Variants in MLLT10 observed in about 807,000 individuals in gnomAD.
MLLT10 encodes protein AF-10.
In MLLT10, 30 loss-of-function variants were observed where a neutral mutation model predicts 129.1. The ratio of observed to expected loss-of-function variants is 0.23; its 90% confidence interval spans 0.17 to 0.32. The LOEUF is 0.32. Among genes scored for constraint, MLLT10 ranks in the 10% least tolerant of loss-of-function variants. MLLT10 has a pLI of 1.00. For missense variants in MLLT10, 1,119 were observed against 1,268.3 expected, an observed-to-expected ratio of 0.88 and a Z score of 1.79; for synonymous variants, 490 against 446.4, an observed-to-expected ratio of 1.10 and a Z score of -1.23.
intron 5 of MLLT10, among the ~76,000 whole-genome samples, chr10:21,608,399 A>ACTCCTGGGCTCAAGCAGTC (rs1273692627): frequency 1.4e-5 from 2 of 147,508 alleles, no homozygotes; most frequent in African/African-American, 2.5e-5. Context: ...CTGGTGTTGA[A>ACTCCTGGGCTCAAGCAGTC]CTCCTGGGCT....
At chr10:21,732,080 G>A (rs1406310976) in intron 17 of MLLT10, among the ~76,000 whole-genome samples, 1 of 152,146 alleles carries the variant, frequency 6.6e-6, no homozygotes, top group Non-Finnish European at 1.5e-5. Context: ...TTGGAGGGGA[G>A]GGATAAAAGT....
intron 3 of MLLT10, among the ~76,000 whole-genome samples, chr10:21,554,916 G>A (rs2130968494): frequency 6.6e-6 from 1 of 151,870 alleles, no homozygotes; most frequent in East Asian, 1.9e-4. Flanking sequence ...CTACCACCCG[G>A]GTTCAAGCAA....
chr10:21,701,105 A>G (rs978243844), intron 13 of MLLT10, among the ~76,000 whole-genome samples: 1 of 151,930 alleles, frequency 6.6e-6, no homozygotes, highest in African/African-American at 2.4e-5. Context: ...AGATTTTCCA[A>G]TTTGTTAGCA....
rs75432462 is a variant in MLLT10 at position 21,586,289 on chromosome 10, T to A, written c.241-5T>A. Reference sequence around the variant, plus strand: ...CATTACCTGTTTCTTTTTTTTTTTTTATAGAGATGTGAACTTTGTCCCCAT... The same window carrying A: ...CATTACCTGTTTCTTTTTTTTTTTTAATAGAGATGTGAACTTTGTCCCCAT... On this transcript the variant is annotated splice_polypyrimidine_tract_variant and splice_region_variant and intron_variant, in intron 3 of 22. Transcript: ENST00000307729. The A allele has an allele frequency of 1.9e-5, 30 of 1,547,880 alleles. No individual in the cohort carries two copies. The highest frequency in any genetic ancestry group is 9.3e-5 in the East Asian group (4 of 43,178).
At chr10:21,638,982 GA>G in intron 8 of MLLT10, among the ~76,000 whole-genome samples, 1 of 152,254 alleles carries the variant, frequency 6.6e-6, no homozygotes, top group Middle Eastern at 3.4e-3. Flanking sequence ...GCAATAAAAT[GA>G]AGACCCATTA....
intron 14 of MLLT10, among the ~76,000 whole-genome samples, 165 bp from the exon 15 acceptor site, chr10:21,726,079 T>C (rs1015299912): frequency 1.3e-5 from 2 of 152,144 alleles, no homozygotes; most frequent in African/African-American, 2.4e-5. Flanking sequence ...AAAATTGACA[T>C]GTTGAATGGT....
intron 3 of MLLT10, among the ~76,000 whole-genome samples, chr10:21,571,528 A>G (rs1388644542): frequency 2.0e-5 from 3 of 152,214 alleles, no homozygotes; most frequent in Admixed American, 1.3e-4. Flanking sequence ...TCTTCCAGGG[A>G]TGACTGTGTT....
At chr10:21,620,393 C>T (rs1271060471) in intron 8 of MLLT10, among the ~76,000 whole-genome samples, 1 of 152,146 alleles carries the variant, frequency 6.6e-6, no homozygotes, top group Non-Finnish European at 1.5e-5. Flanking sequence ...TTAGACTGTA[C>T]ACTGGTATGA....
chr10:21,547,713 A>G (rs2036330707), intron 3 of MLLT10, among the ~76,000 whole-genome samples: 1 of 151,162 alleles, frequency 6.6e-6, no homozygotes, highest in Admixed American at 6.6e-5. Flanking sequence ...TAATTTTTGT[A>G]TTTTTAATAG....
Position 21,717,722 on chromosome 10 carries a change from C to T in MLLT10, c.1878+3772C>T, listed in dbSNP as rs867960416. Among the ~76,000 whole-genome samples the T allele has an allele frequency of 4.1e-3, 256 of 61,836 alleles. 22 individuals are homozygous for T. The highest frequency in any genetic ancestry group is 0.014 in the Middle Eastern group (1 of 72). The allele number at this position is 61,836 out of a possible 152,430, so 40.6% of individuals were successfully genotyped here. Reference sequence around the variant, plus strand: ...CCTCTTCCTCCTCCTCCTCTTCCTCCTCCTCCTCCTCCTCTTCCTCCTCCT... The same window carrying T: ...CCTCTTCCTCCTCCTCCTCTTCCTCTTCCTCCTCCTCCTCTTCCTCCTCCT... On this transcript the variant is annotated intron_variant, in intron 14 of 22. Coordinates refer to ENST00000307729, the MANE Select transcript of MLLT10 (RefSeq NM_001195626.3).
intron 8 of MLLT10, among the ~76,000 whole-genome samples, chr10:21,641,183 T>C (rs2131294627): frequency 6.6e-6 from 1 of 152,320 alleles, no homozygotes; most frequent in South Asian, 2.1e-4. Context: ...AGGCTGTCTC[T>C]ACCTCATTTT....
chr10:21,674,071 T>C, intron 11 of MLLT10, 152 bp downstream of exon 11: 1 of 623,334 alleles, frequency 1.6e-6, no homozygotes, highest in Non-Finnish European at 2.5e-6. Flanking sequence ...AATTTTCTAA[T>C]GGAAAATACA....
chr10:21,565,529 G>A (rs1425921368), intron 3 of MLLT10, among the ~76,000 whole-genome samples: 2 of 151,478 alleles, frequency 1.3e-5, no homozygotes, highest in African/African-American at 4.8e-5. Flanking sequence ...AGCTGGTCTC[G>A]AGCTGTTGAC....
At chr10:21,536,818 C>T (rs1304811195) in intron 2 of MLLT10, among the ~76,000 whole-genome samples, 2 of 151,596 alleles carry the variant, frequency 1.3e-5, no homozygotes, top group Non-Finnish European at 2.9e-5. Context: ...GAGTTTTGCT[C>T]TTGTTGCTCA....
At chr10:21,688,368 C>T in intron 13 of MLLT10, 9 of 747,790 alleles carry the variant, frequency 1.2e-5, no homozygotes, top group South Asian at 5.4e-5. Context: ...GGATTTTAAC[C>T]CTGATGATCC....
chr10:21,538,693 G>C (rs758098563), intron 2 of MLLT10, 140 bp from the exon 3 acceptor site: 366 of 572,590 alleles, frequency 6.4e-4, no homozygotes, highest in Middle Eastern at 1.7e-3. Context: ...TGATAAATAG[G>C]ATGTGAACTG....
At position 21,592,612 on chromosome 10, in the gene MLLT10, T is replaced by A. The variant is rs1356277804; in HGVS notation, c.296-2719T>A. On this transcript the variant is annotated intron_variant, in intron 4 of 22. Transcript: ENST00000307729. Reference sequence around the variant, plus strand: ...GCTGGGACTACAGGCGCCTGCCACCTTGCCCGGCTAATTTTTTGTATTTTT... The same window carrying A: ...GCTGGGACTACAGGCGCCTGCCACCATGCCCGGCTAATTTTTTGTATTTTT... Among the ~76,000 whole-genome samples, 9 of 152,128 alleles carry A rather than the reference T, an allele frequency of 5.9e-5. No homozygotes were observed. The East Asian group carries it at 1.7e-3, about 29-fold the overall frequency.
intron 7 of MLLT10, among the ~76,000 whole-genome samples, chr10:21,616,165 T>G (rs1301133701): frequency 1.3e-5 from 2 of 152,054 alleles, no homozygotes; most frequent in East Asian, 3.8e-4. Flanking sequence ...TAACAAAAAT[T>G]TTGAGATTAT....
At chr10:21,535,562 T>C (rs985139504) in intron 2 of MLLT10, among the ~76,000 whole-genome samples, 6 of 152,214 alleles carry the variant, frequency 3.9e-5, no homozygotes, top group African/African-American at 1.4e-4. Flanking sequence ...TATTTCTGGT[T>C]GTTAACAATT....
Sources: allele counts gnomAD v4.1 joint callset (sites outside exome capture counted in the v4.1 genomes callset), GRCh38; gene constraint gnomAD v4.1.1; transcripts MANE v1.5; gene names NCBI Gene and HGNC (gene_info 2026-07-23, HGNC 2026-07-21).